Variants in UFD1 observed in about 807,000 individuals in gnomAD.
UFD1 encodes ubiquitin recognition factor in ER-associated degradation protein 1.
A neutral mutation model predicts 45.9 loss-of-function variants in UFD1; 13 were observed. The observed-to-expected ratio is 0.28, with a 90% CI of 0.18 to 0.45. The LOEUF (loss-of-function observed/expected upper bound fraction) is 0.45. UFD1 is among the 20% of genes least tolerant of loss of function. The pLI is 1.00. For missense variants in UFD1, 218 were observed against 389.2 expected, an observed-to-expected ratio of 0.56 and a Z score of 3.70; for synonymous variants, 128 against 139.2, an observed-to-expected ratio of 0.92 and a Z score of 0.56.
At chr22:19,456,180 T>G (rs2089721670) in intron 9 of UFD1, among the ~76,000 whole-genome samples, 2 of 152,094 alleles carry the variant, frequency 1.3e-5, no homozygotes, top group South Asian at 4.1e-4. Context: ...TCCACCTGTT[T>G]CCCATGGAGC....
intron 1 of UFD1, chr22:19,478,833 C>T (rs2089917630): frequency 3.8e-6 from 2 of 532,674 alleles, no homozygotes; most frequent in African/African-American, 4.1e-5. Flanking sequence ...ACCTTCCTTT[C>T]TTTCGTCAAG....
Position 19,456,636 on chromosome 22 carries a change from T to C in UFD1, c.631-2A>G. The C allele has an allele frequency of 6.2e-7, 1 of 1,614,128 alleles. No homozygotes were observed. Among genetic ancestry groups the C allele is most frequent in the Non-Finnish European group, 8.5e-7 (1 of 1,180,024 alleles). On this transcript the variant is annotated splice_acceptor_variant, in intron 8 of 11. Transcript: ENST00000263202. LOFTEE classifies it high-confidence loss of function. Reference sequence around the variant, plus strand: ...GCCACTGTGGTCGGCTTCACCTTCCTGACAGGGAAAAAGAAAAACAGGTGA... The same window carrying C: ...GCCACTGTGGTCGGCTTCACCTTCCCGACAGGGAAAAAGAAAAACAGGTGA...
chr22:19,468,696 A>G (rs2089821828), intron 4 of UFD1, among the ~76,000 whole-genome samples: 1 of 152,138 alleles, frequency 6.6e-6, no homozygotes, highest in South Asian at 2.1e-4. Flanking sequence ...AGACATATAC[A>G]TCAGTAGAAA....
chr22:19,471,339 A>T (rs1460412559), intron 4 of UFD1: 2 of 563,614 alleles, frequency 3.5e-6, no homozygotes, highest in Non-Finnish European at 6.9e-6. Context: ...GAAAAGCATA[A>T]AAACCTCAAA....
At chr22:19,474,381 C>A (rs8135860) in intron 3 of UFD1, among the ~76,000 whole-genome samples, 5 of 151,996 alleles carry the variant, frequency 3.3e-5, no homozygotes, top group African/African-American at 1.2e-4. Flanking sequence ...CCCATCTCTA[C>A]TAAAAATACA....
intron 7 of UFD1, among the ~76,000 whole-genome samples, chr22:19,457,804 T>TA (rs2089734515): frequency 6.6e-6 from 1 of 150,866 alleles, no homozygotes; most frequent in Admixed American, 6.6e-5. Context: ...GGAGTGAAAC[T>TA]AAGTCTCAAA....
intron 1 of UFD1, among the ~76,000 whole-genome samples, chr22:19,476,386 G>A (rs2089881323): frequency 6.6e-6 from 1 of 152,136 alleles, no homozygotes; most frequent in Non-Finnish European, 1.5e-5. Context: ...TGCCTCTCCA[G>A]CGTGCTCTCA....
intron 4 of UFD1, chr22:19,470,171 G>A: frequency 2.3e-6 from 1 of 439,910 alleles, no homozygotes; most frequent in South Asian, 1.6e-5. Context: ...GGGGAGGGCA[G>A]GTGAGCCAAT....
intron 1 of UFD1, among the ~76,000 whole-genome samples, chr22:19,476,950 T>C (rs951993698): frequency 7.4e-6 from 1 of 135,182 alleles, no homozygotes; most frequent in African/African-American, 2.9e-5. Flanking sequence ...GAAGTTGCAG[T>C]GAGCCGAGAT....
At chr22:19,474,759 T>C (rs2089869585) in intron 3 of UFD1, among the ~76,000 whole-genome samples, 1 of 152,070 alleles carries the variant, frequency 6.6e-6, no homozygotes, top group Non-Finnish European at 1.5e-5. Context: ...CACTTAATCC[T>C]GACAGAATAC....
At chr22:19,469,142 A>G (rs961737954) in intron 4 of UFD1, among the ~76,000 whole-genome samples, 2 of 152,246 alleles carry the variant, frequency 1.3e-5, no homozygotes, top group Admixed American at 6.5e-5. Context: ...AGGCAGGCAC[A>G]GAAGGATGCA....
At chr22:19,476,286 C>T (rs1323790358) in intron 1 of UFD1, among the ~76,000 whole-genome samples, 1 of 152,084 alleles carries the variant, frequency 6.6e-6, no homozygotes, top group Non-Finnish European at 1.5e-5. Flanking sequence ...GAACAGGTAC[C>T]CAGTGGTTGC....
chr22:19,474,351 C>T (rs549212942), intron 3 of UFD1, among the ~76,000 whole-genome samples: 11 of 152,184 alleles, frequency 7.2e-5, no homozygotes, highest in African/African-American at 2.6e-4. Context: ...TCAAGACCAG[C>T]CTGCCCAACA....
intron 6 of UFD1, 25 bp from the exon 7 acceptor site, chr22:19,458,164 T>C (rs1601889540): frequency 6.2e-7 from 1 of 1,613,690 alleles, no homozygotes; most frequent in South Asian, 1.1e-5. Flanking sequence ...CAGAAATCAG[T>C]TGGATGGTTT....
At chr22:19,468,542 G>A (rs994649316) in intron 4 of UFD1, among the ~76,000 whole-genome samples, 1 of 152,210 alleles carries the variant, frequency 6.6e-6, no homozygotes. Context: ...CCAGGTAGAC[G>A]ACGGCTGAGA....
At chr22:19,468,379 G>A (rs2089819359) in intron 4 of UFD1, among the ~76,000 whole-genome samples, 1 of 152,166 alleles carries the variant, frequency 6.6e-6, no homozygotes, top group African/African-American at 2.4e-5. Context: ...TGCACCTGAG[G>A]TAGGACAAAA....
At chr22:19,475,439 A>G in intron 2 of UFD1, 31 bp downstream of exon 2, 1 of 1,612,348 alleles carries the variant, frequency 6.2e-7, no homozygotes, top group Non-Finnish European at 8.5e-7. Context: ...GGGCAGGAAA[A>G]GTTACTATTC....
chr22:19,475,676 A>G, intron 1 of UFD1, 74 bp from the exon 2 acceptor site: 1 of 1,514,080 alleles, frequency 6.6e-7, no homozygotes, highest in Non-Finnish European at 9.1e-7. Flanking sequence ...AACATGTCAG[A>G]GTAATTAATG....
chr22:19,461,823 T>C (rs781613828), intron 6 of UFD1, among the ~76,000 whole-genome samples: 16 of 152,156 alleles, frequency 1.1e-4, no homozygotes, highest in Non-Finnish European at 2.1e-4. Context: ...TTGTTTTTTT[T>C]TTTCTTTAGT....
Sources: allele counts gnomAD v4.1 joint callset (sites outside exome capture counted in the v4.1 genomes callset), GRCh38; gene constraint gnomAD v4.1.1; transcripts MANE v1.5; gene names NCBI Gene and HGNC (gene_info 2026-07-23, HGNC 2026-07-21).